The following SPARCL1 variants were observed in gnomAD, a reference collection of about 807,000 sequenced individuals.
The protein encoded by SPARCL1 is SPARC-like protein 1.
A neutral mutation model predicts 67.1 loss-of-function variants in SPARCL1; 52 were observed. The ratio of observed to expected loss-of-function variants is 0.78; its 90% CI spans 0.62 to 0.98. The LOEUF (loss-of-function observed/expected upper bound fraction) is 0.98, where lower values mean the gene tolerates loss of function less well. Among genes scored for constraint, SPARCL1 ranks in the 50% least tolerant of loss-of-function variants. The pLI is 0.00. For missense variants in SPARCL1, 717 were observed against 782.4 expected (o/e 0.92, Z 1.00); for synonymous variants, 226 against 267.8 (o/e 0.84, Z 1.52).
At chr4:87,511,061 C>G (rs1056101302) in intron 1 of SPARCL1, among the ~76,000 whole-genome samples, 1 of 152,198 alleles carries the variant, frequency 6.6e-6, no homozygotes, top group East Asian at 1.9e-4. Context: ...ACAAGGCACC[C>G]CTGCCGCGAG....
chr4:87,488,402 G>C (rs183144197), intron 7 of SPARCL1, among the ~76,000 whole-genome samples: 1 of 152,182 alleles, frequency 6.6e-6, no homozygotes, highest in Non-Finnish European at 1.5e-5. Context: ...GACCTTGTTT[G>C]CCTGGGTGTC....
At chr4:87,491,918 A>C (rs570775921) in intron 4 of SPARCL1, among the ~76,000 whole-genome samples, 2 of 143,048 alleles carry the variant, frequency 1.4e-5, no homozygotes, top group Non-Finnish European at 3.0e-5. Context: ...CAACCTGGGC[A>C]ACATAGGGAA....
chr4:87,501,526 T>C (rs1444264818), intron 1 of SPARCL1, among the ~76,000 whole-genome samples: 1 of 152,152 alleles, frequency 6.6e-6, no homozygotes, highest in Non-Finnish European at 1.5e-5. Flanking sequence ...TCAGAATTTT[T>C]TTTAAAACAT....
chr4:87,482,388 A>G lies in SPARCL1; in HGVS notation c.1668+36T>C, dbSNP rs757466093. ...CGTCTTTCTTCCTCATGCCCTGTAG[A>G]CAGACATTGAAGAAGCTAACCTGTG... On this transcript the variant is annotated intron_variant, in intron 8 of 10. Coordinates refer to ENST00000282470, the MANE Select transcript of SPARCL1 (RefSeq NM_004684.6). The G allele has an allele frequency of 2.5e-6, 4 of 1,606,728 alleles. No homozygotes were observed. In the African/African-American group the frequency reaches 5.3e-5, roughly 21 times the overall value.
At chr4:87,477,996 C>T (rs1723649545) in intron 10 of SPARCL1, among the ~76,000 whole-genome samples, 1 of 152,146 alleles carries the variant, frequency 6.6e-6, no homozygotes, top group Non-Finnish European at 1.5e-5. Flanking sequence ...ATAAGTAAAT[C>T]CTCATACTTT....
intron 1 of SPARCL1, among the ~76,000 whole-genome samples, chr4:87,507,045 A>G (rs942374951): frequency 2.0e-5 from 3 of 152,326 alleles, no homozygotes; most frequent in Middle Eastern, 3.4e-3. Context: ...TTCTCAGAAA[A>G]TAATGTAATT....
At chr4:87,490,478 A>T in intron 6 of SPARCL1, 85 bp from the exon 7 acceptor site, 1 of 1,452,610 alleles carries the variant, frequency 6.9e-7, no homozygotes, top group Non-Finnish European at 9.3e-7. Flanking sequence ...ATATGCTGAT[A>T]ACAGCGCTGT....
rs993531370 is a variant in SPARCL1 at position 87,492,349 on chromosome 4, C to G, written c.1219-659G>C. On this transcript the variant is annotated intron_variant, in intron 4 of 10. Coordinates refer to ENST00000282470, the MANE Select transcript of SPARCL1 (RefSeq NM_004684.6). ...AGGAGAATTGCTTGAACCTGGGAGGCAGAGGTTGCAGTGAGCCGAGATTGC... is the reference window on the plus strand; with the variant it reads ...AGGAGAATTGCTTGAACCTGGGAGGGAGAGGTTGCAGTGAGCCGAGATTGC... Among the ~76,000 whole-genome samples the G allele has an allele frequency of 4.7e-5, 7 of 148,792 alleles. No individual in the cohort carries two copies. In the Admixed American group the frequency reaches 4.8e-4, roughly 10 times the overall value.
intron 1 of SPARCL1, among the ~76,000 whole-genome samples, chr4:87,523,770 G>C (rs1725920420): frequency 6.6e-6 from 1 of 152,154 alleles, no homozygotes; most frequent in Non-Finnish European, 1.5e-5. Context: ...GTGAACCATA[G>C]ATTAAATATC....
At chr4:87,523,606 G>C (rs1396308697) in intron 1 of SPARCL1, among the ~76,000 whole-genome samples, 2 of 152,182 alleles carry the variant, frequency 1.3e-5, no homozygotes. Flanking sequence ...CTCTGTATTA[G>C]ATAATTACAG....
At chr4:87,514,830 A>G (rs1028901355) in intron 1 of SPARCL1, among the ~76,000 whole-genome samples, 1 of 152,204 alleles carries the variant, frequency 6.6e-6, no homozygotes, top group African/African-American at 2.4e-5. Flanking sequence ...TTTGAAAACA[A>G]CTGTCATACT....
intron 7 of SPARCL1, among the ~76,000 whole-genome samples, chr4:87,489,830 A>T (rs1724238966): frequency 6.6e-6 from 1 of 152,226 alleles, no homozygotes; most frequent in Admixed American, 6.5e-5. Flanking sequence ...GGGGAGCCAA[A>T]CACAATTGAG....
intron 1 of SPARCL1, among the ~76,000 whole-genome samples, chr4:87,512,481 C>T (rs1169312775): frequency 6.6e-6 from 1 of 152,058 alleles, no homozygotes; most frequent in Non-Finnish European, 1.5e-5. Context: ...CTTGGTAAAC[C>T]TTTGCACATT....
intron 8 of SPARCL1, among the ~76,000 whole-genome samples, chr4:87,481,768 A>T (rs2110214180): frequency 6.6e-6 from 1 of 152,352 alleles, no homozygotes; most frequent in Non-Finnish European, 1.5e-5. Flanking sequence ...AATTGCATAT[A>T]TGCATATATA....
At chr4:87,514,241 G>A (rs948344475) in intron 1 of SPARCL1, among the ~76,000 whole-genome samples, 4 of 152,204 alleles carry the variant, frequency 2.6e-5, no homozygotes, top group Non-Finnish European at 4.4e-5. Flanking sequence ...TCTCAGGTAA[G>A]AGGTATGTTC....
intron 1 of SPARCL1, among the ~76,000 whole-genome samples, chr4:87,525,362 C>G (rs1401468909): frequency 6.6e-6 from 1 of 152,080 alleles, no homozygotes; most frequent in Non-Finnish European, 1.5e-5. Context: ...GATGAGAAGA[C>G]AGAGGCACAG....
Position 87,493,640 on chromosome 4 carries a change from C to G in SPARCL1, c.1160G>C (p.Arg387Thr), listed in dbSNP as rs775150397. The G allele has an allele frequency of 6.2e-7, 1 of 1,613,668 alleles. No individual in the cohort carries two copies. The highest frequency in any genetic ancestry group is 2.2e-5 in the East Asian group (1 of 44,854). Residue 387 changes from arginine to threonine, a missense_variant, in exon 4 of 11, where the codon AGA (arginine) becomes ACA (threonine). Coordinates refer to ENST00000282470, the MANE Select transcript of SPARCL1 (RefSeq NM_004684.6). ...ATTTTCATTTTCATGTACTTTTTCT[C>G]TTTGCTCCTCAATTTTGAGGTGATA... ...IAYHLKIEEQ[R>T]EKVHENENIG...
Position 87,495,106 on chromosome 4 carries a change from C to T in SPARCL1, c.76G>A (p.Asp26Asn). ...AIPTNARLLS[D>N]HSKPTAETVA... is the part of the protein sequence containing the mutation. ...GTTTCAGCAGTTGGTTTGGAATGAT[C>T]AGATAATAATCTTGCATTTGTCTGA... The change falls in exon 3 of 11, where the codon GAT becomes AAT. Residue 26 changes from aspartate (D) to asparagine (N), a missense_variant. By Grantham distance (23) the Asp-to-Asn change is conservative. Coordinates refer to ENST00000282470, the MANE Select transcript of SPARCL1 (RefSeq NM_004684.6). The T allele has an allele frequency of 6.2e-7, 1 of 1,609,004 alleles. No homozygotes were observed. Among genetic ancestry groups the T allele is most frequent in the Non-Finnish European group, 8.5e-7 (1 of 1,179,070 alleles).
rs150843140 is a variant in SPARCL1, at chr4:87,477,135, G to A, written c.1966+2295C>T. 2.4e-3 allele frequency among the ~76,000 whole-genome samples: 362 copies of A among 152,326 alleles called. 3 individuals carry two copies. Among genetic ancestry groups the A allele is most frequent in the African/African-American group, 8.2e-3 (340 of 41,578 alleles). ...TGCTCCTCCCAGACAACCGCCCAGCGGAGCCTGGGTGAGCTTACACACTGA... is the reference window on the plus strand; with the variant it reads ...TGCTCCTCCCAGACAACCGCCCAGCAGAGCCTGGGTGAGCTTACACACTGA... On this transcript the variant is annotated intron_variant, in intron 10 of 10. Transcript: ENST00000282470.
Sources: allele counts gnomAD v4.1 joint callset (sites outside exome capture counted in the v4.1 genomes callset), GRCh38; gene constraint gnomAD v4.1.1; transcripts MANE v1.5; gene names NCBI Gene and HGNC (gene_info 2026-07-23, HGNC 2026-07-21).